MAP4: variants seen among roughly 807,000 people sequenced by gnomAD.
MAP4 encodes microtubule-associated protein 4.
MAP4 carries 76 observed loss-of-function variants against 170.2 expected under a neutral mutation model. The ratio of observed to expected loss-of-function variants is 0.45; its 90% CI spans 0.37 to 0.54. The LOEUF is 0.54. Ranked by LOEUF, MAP4 falls within the 20% of genes least tolerant of loss-of-function variation. MAP4 has a pLI of 0.00. For synonymous variants in MAP4, 909 were observed against 994.5 expected, an observed-to-expected ratio of 0.91 and a Z score of 1.62; for missense variants, 2,506 against 2,748.0, an observed-to-expected ratio of 0.91 and a Z score of 1.97.
intron 1 of MAP4, among the ~76,000 whole-genome samples, chr3:48,061,659 T>C (rs1178527648): frequency 6.6e-6 from 1 of 151,656 alleles, no homozygotes; most frequent in African/African-American, 2.4e-5. Context: ...GCCCATCGTC[T>C]GGGATGTGAG....
upstream of MAP4, among the ~76,000 whole-genome samples, chr3:48,019,939 T>C (rs1363224508): frequency 6.6e-6 from 1 of 152,210 alleles, no homozygotes; most frequent in African/African-American, 2.4e-5. Flanking sequence ...TCACTCTATT[T>C]TATATCAGTG....
chr3:47,867,096 CA>C (rs1217911681), intron 17 of MAP4, 149 bp downstream of exon 17: 3 of 589,188 alleles, frequency 5.1e-6, no homozygotes, highest in Non-Finnish European at 9.0e-6. Context: ...ATGGGAGCAT[CA>C]AGGTCCCCTC....
rs567947732 is a variant in MAP4 at position 47,916,511 on chromosome 3, G to A, written c.1316C>T (p.Ser439Phe). ...GGCCAGGGCTACCTCTGTTTCTGAG[G>A]ACAAAGCCACCTTCTCAGCAGAGGA... ...EISSAEKVALSSETEVALARD... is the reference protein window; with the variant it reads ...EISSAEKVALFSETEVALARD... Residue 439 changes from serine (S) to phenylalanine (F), a missense_variant, in exon 7 of 21, where the codon TCC (serine) becomes TTC (phenylalanine). Transcript: ENST00000683076. 2.7e-5 allele frequency: 44 copies of A among 1,614,094 alleles called. 1 individual carries two copies. The South Asian group carries it at 4.8e-4, about 18-fold the overall frequency.
At chr3:47,952,932 A>T (rs2154117750) in intron 3 of MAP4, among the ~76,000 whole-genome samples, 1 of 151,974 alleles carries the variant, frequency 6.6e-6, no homozygotes, top group Non-Finnish European at 1.5e-5. Flanking sequence ...TCAAAAAATA[A>T]ATAAAATACA....
chr3:47,962,505 C>T (rs1242827214), intron 3 of MAP4, among the ~76,000 whole-genome samples: 1 of 152,176 alleles, frequency 6.6e-6, no homozygotes, highest in Non-Finnish European at 1.5e-5. Flanking sequence ...TCTGCCCCAG[C>T]CCTAAGGGTA....
intron 1 of MAP4, among the ~76,000 whole-genome samples, chr3:48,062,063 G>A (rs2100135879): frequency 1.3e-5 from 2 of 152,200 alleles, no homozygotes; most frequent in African/African-American, 2.4e-5. Context: ...AGAAAGGGGG[G>A]AAATGTGGGG....
In MAP4 at chr3:47,977,953, T is replaced by C; in HGVS notation, c.224-20A>G. ...GAGTATCTGCAACAATGACAAATAA[T>C]TACCCATTGTGACAGACAGAAAAAT... is the stretch of plus-strand genomic sequence containing the variant. On this transcript the variant is annotated intron_variant, in intron 2 of 20. Transcript: ENST00000683076. 3 of 1,546,202 alleles carry C rather than the reference T, an allele frequency of 1.9e-6. No homozygotes were observed. The highest frequency in any genetic ancestry group is 2.7e-6 in the Non-Finnish European group (3 of 1,118,784).
intron 1 of MAP4, among the ~76,000 whole-genome samples, chr3:48,006,576 T>C (rs999777770): frequency 9.9e-5 from 15 of 152,186 alleles, no homozygotes; most frequent in Non-Finnish European, 1.8e-4. Flanking sequence ...CCCTGACTGC[T>C]AGGTTGAGGG....
chr3:48,087,741 A>ACGCGCGCGCACACACACACACG (rs5848844), intron 1 of MAP4, among the ~76,000 whole-genome samples: 14 of 125,166 alleles, frequency 1.1e-4, no homozygotes, highest in Admixed American at 8.0e-5. Flanking sequence ...ACACACACGC[A>ACGCGCGCGCACACACACACACG]CGCGCACACA....
chr3:48,048,506 C>CTTT lies in MAP4; in HGVS notation c.-20+40264_-20+40266dup, dbSNP rs67709674. Among the ~76,000 whole-genome samples the CTTT allele has an allele frequency of 1.0e-4, 7 of 66,994 alleles. No individual in the cohort carries two copies. In the East Asian group the frequency reaches 2.5e-3, roughly 24 times the overall value. The allele number at this position is 66,994 out of a possible 152,430, so 44.0% of individuals were successfully genotyped here. A position where few individuals can be genotyped will look rare whatever the true frequency, so the allele number is the denominator to read the frequency against. ...TCAGGTAGATCCAGATCTCAATTAT[C>CTTT]TTTTTTTTTTTTTTTTTTTTTTTTT... On this transcript the variant is annotated intron_variant, in intron 1 of 18. Transcript: ENST00000360240.
At chr3:47,879,752 T>A (rs145546891) in intron 10 of MAP4, among the ~76,000 whole-genome samples, 1 of 152,154 alleles carries the variant, frequency 6.6e-6, no homozygotes, top group Non-Finnish European at 1.5e-5. Context: ...TTACAATCAA[T>A]AGGGCTTCTT....
chr3:47,888,160 A>G (rs1019017275), intron 10 of MAP4, among the ~76,000 whole-genome samples: 5 of 152,212 alleles, frequency 3.3e-5, no homozygotes, highest in African/African-American at 9.6e-5. Flanking sequence ...TATCTAGCTC[A>G]GGGATTGTAA....
intron 1 of MAP4, among the ~76,000 whole-genome samples, chr3:47,999,349 T>C (rs1291127230): frequency 6.6e-6 from 1 of 151,978 alleles, no homozygotes; most frequent in East Asian, 1.9e-4. Flanking sequence ...CACTTGTGGA[T>C]AGTCCTGTCA....
In MAP4 at chr3:47,977,899, A is replaced by ATT; in HGVS notation, c.256_257dup (p.Asn86LysfsTer7). 1 of 1,613,134 alleles carries ATT rather than the reference A, an allele frequency of 6.2e-7. No individual in the cohort carries two copies. Among genetic ancestry groups the ATT allele is most frequent in the Non-Finnish European group, 8.5e-7 (1 of 1,179,192 alleles). On this transcript the variant is annotated frameshift_variant, in exon 3 of 21. Coordinates refer to ENST00000683076, the MANE Select transcript of MAP4 (RefSeq NM_001385682.1). LOFTEE classifies it high-confidence loss of function. Reference sequence around the variant, plus strand: ...CGCTCCCTTCTACTCCATGACCACCATTGGCTAGGAGTGTTGGTTTAGAAG... The same window carrying ATT: ...CGCTCCCTTCTACTCCATGACCACCATTTTGGCTAGGAGTGTTGGTTTAGAAG...
chr3:48,051,603 A>G (rs1165357030), intron 1 of MAP4, among the ~76,000 whole-genome samples: 1 of 152,204 alleles, frequency 6.6e-6, no homozygotes, highest in African/African-American at 2.4e-5. Flanking sequence ...AATAGTCTAT[A>G]CAGCTATGTG....
intron 10 of MAP4, among the ~76,000 whole-genome samples, chr3:47,880,006 C>T (rs1017074948): frequency 6.6e-6 from 1 of 152,130 alleles, no homozygotes; most frequent in Non-Finnish European, 1.5e-5. Context: ...AAGTTCCTCT[C>T]TATTCCTACT....
intron 17 of MAP4, among the ~76,000 whole-genome samples, chr3:47,863,909 T>C (rs907928009): frequency 8.2e-6 from 1 of 121,968 alleles, no homozygotes; most frequent in East Asian, 2.2e-4. Context: ...TGTGTGTGTG[T>C]GTGTGGGTGT....
At chr3:48,000,891 A>G (rs1257655639) in intron 1 of MAP4, among the ~76,000 whole-genome samples, 1 of 152,220 alleles carries the variant, frequency 6.6e-6, no homozygotes, top group African/African-American at 2.4e-5. Context: ...AGCAAGGAAT[A>G]TGGTCCTATC....
chr3:48,022,071 A>C (rs150688282), intron 1 of MAP4, among the ~76,000 whole-genome samples: 17 of 152,316 alleles, frequency 1.1e-4, no homozygotes, highest in Admixed American at 1.1e-3. Flanking sequence ...AATATCTGAC[A>C]AATGTGACAC....
Sources: gnomAD v4.1 joint callset for allele counts (sites outside exome capture counted in the v4.1 genomes callset) on GRCh38, gnomAD v4.1.1 for gene constraint, MANE v1.5 for transcripts, NCBI Gene and HGNC (gene_info 2026-07-23, HGNC 2026-07-21) for gene names.